The following ZFYVE27 variants were observed in gnomAD, a reference collection of about 807,000 sequenced individuals.
The protein encoded by ZFYVE27 is protrudin.
ZFYVE27 carries 36 observed loss-of-function variants against 52.8 expected under a neutral mutation model. That is an observed-to-expected ratio of 0.68 (90% confidence interval 0.52 to 0.90). The LOEUF is 0.90. ZFYVE27 is among the 40% of genes least tolerant of loss of function. The pLI is 0.00. For missense variants in ZFYVE27, 450 were observed against 527.2 expected (o/e 0.85, Z 1.43); for synonymous variants, 223 against 215.6 (o/e 1.03, Z -0.30).
rs1008372787 is a variant in ZFYVE27, at chr10:97,759,792, T to C, written c.*492T>C. 5.2e-6 allele frequency: 1 copy of C among 193,652 alleles called. No individual in the cohort carries two copies. Among genetic ancestry groups the C allele is most frequent in the East Asian group, 1.1e-4 (1 of 8,874 alleles). 12.0% of individuals were successfully genotyped at this position (193,652 alleles called of 1,614,324 possible). On this transcript the variant is annotated 3_prime_UTR_variant, in exon 13 of 13. Coordinates refer to ENST00000684270, the MANE Select transcript of ZFYVE27 (RefSeq NM_001385875.1). ...GAGTGCCACACCCCATCTCTGCTGA[T>C]TGAATGTCCCTCCAGGCACCAGGAT...
At chr10:97,750,149 G>T in intron 6 of ZFYVE27, 182 bp from the exon 7 acceptor site, 1 of 666,368 alleles carries the variant, frequency 1.5e-6, no homozygotes, top group Non-Finnish European at 2.7e-6. Context: ...TCTGGGGCAG[G>T]TGGTGGTATC....
At chr10:97,752,806 C>G (rs1381390007) in intron 8 of ZFYVE27, 51 bp from the exon 9 acceptor site, 1 of 1,604,746 alleles carries the variant, frequency 6.2e-7, no homozygotes, top group Non-Finnish European at 8.5e-7. Flanking sequence ...TTTCTTCTTG[C>G]TATCTTTTTC....
chr10:97,745,516 C>G (rs1201136336), intron 4 of ZFYVE27, among the ~76,000 whole-genome samples: 8 of 152,204 alleles, frequency 5.3e-5, no homozygotes, highest in Non-Finnish European at 4.4e-5. Context: ...AGGGTCTTGA[C>G]TAAGCATGTG....
At chr10:97,749,370 G>T in intron 5 of ZFYVE27, 104 bp from the exon 6 acceptor site, 1 of 841,318 alleles carries the variant, frequency 1.2e-6, no homozygotes, top group Non-Finnish European at 2.1e-6. Context: ...TTATTAATGT[G>T]CCCAGAGCTG....
At chr10:97,744,252 A>G (rs2044550372) in intron 3 of ZFYVE27, among the ~76,000 whole-genome samples, 1 of 152,198 alleles carries the variant, frequency 6.6e-6, no homozygotes, top group Admixed American at 6.5e-5. Flanking sequence ...TTTGAATTTT[A>G]TCTCGGCTTC....
intron 4 of ZFYVE27, among the ~76,000 whole-genome samples, chr10:97,745,855 A>G (rs968968656): frequency 6.6e-6 from 1 of 152,032 alleles, no homozygotes; most frequent in Non-Finnish European, 1.5e-5. Flanking sequence ...CCTTCCCTGG[A>G]GTGGGGTCTC....
chr10:97,757,175 T>G, intron 10 of ZFYVE27, 90 bp from the exon 11 acceptor site: 1 of 1,589,030 alleles, frequency 6.3e-7, no homozygotes, highest in Non-Finnish European at 8.6e-7. Flanking sequence ...TGGGCTGGTG[T>G]CCTGAGTGTC....
At chr10:97,741,757 T>G (rs2043715126) in intron 2 of ZFYVE27, among the ~76,000 whole-genome samples, 1 of 152,056 alleles carries the variant, frequency 6.6e-6, no homozygotes, top group African/African-American at 2.4e-5. Flanking sequence ...GAACTTTAAG[T>G]ATAATAATAA....
Position 97,749,489 on chromosome 10 carries a change from T to C in ZFYVE27, c.567T>C (p.Leu189=), listed in dbSNP as rs1229470533. ...PVVSSQFYGA[L]LGTVCMLYLL... is the part of the protein sequence containing the mutation. ...TGTCATCCAGGTTCTATGGGGCTCT[T>C]CTGGGCACAGTCTGCATGCTGTATT... is the stretch of plus-strand genomic sequence containing the variant. The change falls in exon 6 of 13, where the codon CTT becomes CTC. Residue 189 remains leucine (L), a synonymous_variant. Transcript: ENST00000684270. 1.2e-6 allele frequency: 2 copies of C among 1,614,030 alleles called. No homozygotes were observed. The highest frequency in any genetic ancestry group is 1.7e-6 in the Non-Finnish European group (2 of 1,180,016).
intron 6 of ZFYVE27, among the ~76,000 whole-genome samples, 193 bp downstream of exon 6, chr10:97,749,779 G>A (rs1157392994): frequency 6.6e-6 from 1 of 152,210 alleles, no homozygotes. Flanking sequence ...CACCAGGGGA[G>A]GCTGCTACCA....
rs145783023 is a variant in ZFYVE27 at position 97,748,477 on chromosome 10, C to T, written c.551+113C>T. ...CCCCTCTTACCTCAGGGGAAGAGCTCGCCTCCTGGGCTCTTGTGTGTATAT... is the reference window on the plus strand; with the variant it reads ...CCCCTCTTACCTCAGGGGAAGAGCTTGCCTCCTGGGCTCTTGTGTGTATAT... On this transcript the variant is annotated intron_variant, in intron 5 of 12. Coordinates refer to ENST00000684270, the MANE Select transcript of ZFYVE27 (RefSeq NM_001385875.1). The T allele has an allele frequency of 1.9e-4, 196 of 1,027,772 alleles. 1 individual carries two copies. The highest frequency in any genetic ancestry group is 1.1e-3 in the African/African-American group (70 of 63,324). The allele number at this position is 1,027,772 out of a possible 1,614,324, so 63.7% of individuals were successfully genotyped here. A position where few individuals can be genotyped will look rare whatever the true frequency, so the allele number is the denominator to read the frequency against.
At position 97,753,314 on chromosome 10, in the gene ZFYVE27, G is replaced by A. The variant is rs957114457; in HGVS notation, c.1042+132G>A. The A allele has an allele frequency of 1.6e-5, 22 of 1,390,886 alleles. No homozygotes were observed. The Admixed American group carries it at 4.1e-4, about 26-fold the overall frequency. The allele number at this position is 1,390,886 out of a possible 1,614,324, so 86.2% of individuals were successfully genotyped here. A position where few individuals can be genotyped will look rare whatever the true frequency, so the allele number is the denominator to read the frequency against. ...CTGACTTGTGACAAGAGCAGGGAGT[G>A]AAGGTGTGTCCGCGGGACCCCGGGG... On this transcript the variant is annotated intron_variant, in intron 10 of 12. Transcript: ENST00000684270.
chr10:97,739,874 G>A (rs985739284), intron 2 of ZFYVE27, among the ~76,000 whole-genome samples: 2 of 121,026 alleles, frequency 1.7e-5, no homozygotes, highest in Admixed American at 8.4e-5. Flanking sequence ...TTTGATTGAA[G>A]TTAGAAAAGT....
chr10:97,738,410 T>A, intron 1 of ZFYVE27, 67 bp from the exon 2 acceptor site: 1 of 1,566,664 alleles, frequency 6.4e-7, no homozygotes, highest in Non-Finnish European at 8.8e-7. Flanking sequence ...ACCACCTGAA[T>A]CTGTAGGTAG....
intron 12 of ZFYVE27, chr10:97,757,973 G>A (rs2048810144): frequency 2.1e-6 from 1 of 481,352 alleles, no homozygotes. Flanking sequence ...CACTAAAGTT[G>A]AAAAACAAGA....
At chr10:97,748,198 C>T (rs1443989191) in intron 4 of ZFYVE27, 71 bp from the exon 5 acceptor site, 1 of 1,430,982 alleles carries the variant, frequency 7.0e-7, no homozygotes, top group South Asian at 1.2e-5. Context: ...GCCAACTGTA[C>T]CTGCAAGGCC....
At chr10:97,755,971 C>A (rs550893190) in intron 10 of ZFYVE27, among the ~76,000 whole-genome samples, 17 of 152,152 alleles carry the variant, frequency 1.1e-4, no homozygotes, top group Non-Finnish European at 2.1e-4. Flanking sequence ...GCTCTCAGCT[C>A]CCAGAGCCCT....
chr10:97,757,793 G>T lies in ZFYVE27; in HGVS notation c.1171+70G>T, dbSNP rs1487004266. The T allele has an allele frequency of 2.0e-6, 3 of 1,518,740 alleles. No individual in the cohort carries two copies. In the African/African-American group the frequency reaches 4.1e-5, roughly 21 times the overall value. 94.1% of individuals were successfully genotyped at this position (1,518,740 alleles called of 1,614,324 possible). Reference sequence around the variant, plus strand: ...AGGGGATGTCACGCTGTGGCACAGAGGCAAGGGTGTCAGAGGTCAAGGGAA... The same window carrying T: ...AGGGGATGTCACGCTGTGGCACAGATGCAAGGGTGTCAGAGGTCAAGGGAA... On this transcript the variant is annotated intron_variant, in intron 12 of 12. Coordinates refer to ENST00000684270, the MANE Select transcript of ZFYVE27 (RefSeq NM_001385875.1).
At chr10:97,741,978 C>T (rs1023513536) in intron 2 of ZFYVE27, among the ~76,000 whole-genome samples, 1 of 151,842 alleles carries the variant, frequency 6.6e-6, no homozygotes, top group Admixed American at 6.6e-5. Flanking sequence ...ACTGAAAACA[C>T]AAAAACTGGC....
Sources: gnomAD v4.1 joint callset for allele counts (sites outside exome capture counted in the v4.1 genomes callset) on GRCh38, gnomAD v4.1.1 for gene constraint, MANE v1.5 for transcripts, NCBI Gene and HGNC (gene_info 2026-07-23, HGNC 2026-07-21) for gene names.